The following DNAJC9 variants were observed in gnomAD, a reference collection of about 807,000 sequenced individuals.
The protein encoded by DNAJC9 is dnaJ homolog subfamily C member 9.
DNAJC9 carries 18 observed loss-of-function variants against 32.4 expected under a neutral mutation model. The ratio of observed to expected loss-of-function variants is 0.56; its 90% CI spans 0.38 to 0.82. DNAJC9 has a LOEUF of 0.82. Among genes scored for constraint, DNAJC9 ranks in the 40% least tolerant of loss-of-function variants. DNAJC9 has a pLI of 0.00. For synonymous variants in DNAJC9, 113 were observed against 122.1 expected, an observed-to-expected ratio of 0.93 and a Z score of 0.49; for missense variants, 310 against 321.8, an observed-to-expected ratio of 0.96 and a Z score of 0.28.
downstream of DNAJC9, chr10:73,235,381 A>G: frequency 6.5e-7 from 1 of 1,543,208 alleles, no homozygotes; most frequent in Non-Finnish European, 8.7e-7. Context: ...GGGGGGAATA[A>G]TAGTTTGGCA....
At chr10:73,235,508 A>C (rs2043801660), downstream of DNAJC9, 5 of 1,309,358 alleles carry the variant, frequency 3.8e-6, no homozygotes, top group Non-Finnish European at 5.0e-6. Context: ...CTATTCTTTA[A>C]TGCCTTATAC....
At chr10:73,243,681 T>C (rs1190674250) in intron 4 of DNAJC9, 162 bp from the exon 5 acceptor site, 2 of 1,155,404 alleles carry the variant, frequency 1.7e-6, no homozygotes, top group African/African-American at 1.6e-5. Context: ...TTGTAAAACT[T>C]TGTAAATACA....
chr10:73,241,174 A>G (rs1225059990), downstream of DNAJC9: 2 of 610,078 alleles, frequency 3.3e-6, no homozygotes, highest in Non-Finnish European at 5.9e-6. Flanking sequence ...ACAAAACACC[A>G]TAGCAGCCAA....
Position 73,246,036 on chromosome 10 carries a change from T to C in DNAJC9, c.462A>G (p.Thr154=), listed in dbSNP as rs889983165. The C allele has an allele frequency of 1.9e-6, 3 of 1,613,968 alleles. No individual in the cohort carries two copies. The African/African-American group carries it at 4.0e-5, about 22-fold the overall frequency. Residue 154 remains threonine, a synonymous_variant, in exon 3 of 5, where the codon ACA becomes ACG. Transcript: ENST00000372950. ...IMESVLCVQY[T]EEPRIRNIIQ... is the part of the protein sequence containing the mutation. ...TGATATTCCTTATCCTGGGTTCCTC[T>C]GTGTACTGCACGCAAAGCACAGACT...
chr10:73,235,393 A>G, downstream of DNAJC9: 1 of 1,536,000 alleles, frequency 6.5e-7, no homozygotes, highest in Non-Finnish European at 8.8e-7. Context: ...AGTTTGGCAG[A>G]CTTAAGATTT....
At chr10:73,232,888 C>T (rs2043738736) in intron 2 of DNAJC9, 1 of 1,118,090 alleles carries the variant, frequency 8.9e-7, no homozygotes, top group East Asian at 2.6e-5. Context: ...GTCTTGTCTT[C>T]CTTGACATAC....
downstream of DNAJC9, among the ~76,000 whole-genome samples, chr10:73,235,916 G>T: frequency 6.6e-6 from 1 of 152,118 alleles, no homozygotes; most frequent in South Asian, 2.1e-4. Context: ...TTAAGTAATA[G>T]AAAAAACCTG....
downstream of DNAJC9, among the ~76,000 whole-genome samples, chr10:73,240,225 G>A (rs1230053582): frequency 1.3e-5 from 2 of 152,222 alleles, no homozygotes; most frequent in Non-Finnish European, 2.9e-5. Context: ...GTAATGGACA[G>A]CTGAGATGTT....
chr10:73,234,877 G>A, downstream of DNAJC9: 1 of 1,551,862 alleles, frequency 6.4e-7, no homozygotes, highest in Non-Finnish European at 8.7e-7. Flanking sequence ...GAAATAATCT[G>A]CTACCACCTA....
At chr10:73,234,749 A>G (rs2043783417), downstream of DNAJC9, 1 of 1,499,872 alleles carries the variant, frequency 6.7e-7, no homozygotes, top group Non-Finnish European at 9.0e-7. Context: ...TCTGATTTCT[A>G]ATCAATTTGC....
downstream of DNAJC9, chr10:73,234,082 A>T (rs1162350855): frequency 1.3e-5 from 2 of 152,244 alleles, no homozygotes; most frequent in African/African-American, 4.8e-5. Flanking sequence ...GTTGATTCAC[A>T]AAATGTCTTA....
At chr10:73,236,144 A>G (rs759643448), downstream of DNAJC9, among the ~76,000 whole-genome samples, 3 of 152,178 alleles carry the variant, frequency 2.0e-5, no homozygotes, top group East Asian at 1.9e-4. Context: ...TTTTTCTTCT[A>G]TGAGAAGAGT....
chr10:73,240,240 G>A (rs758412840), downstream of DNAJC9, among the ~76,000 whole-genome samples: 1 of 152,156 alleles, frequency 6.6e-6, no homozygotes, highest in South Asian at 2.1e-4. Context: ...GATGTTTCCT[G>A]TTAATGATCA....
chr10:73,246,808 G>C lies in DNAJC9; in HGVS notation c.201C>G (p.Ser67=), dbSNP rs2044017135. The change falls in exon 2 of 5, where the codon TCC becomes TCG. Residue 67 remains serine, a synonymous_variant. Transcript: ENST00000372950. ...CTCTCTGTTCTCTGTCACTGAGAAC[G>C]GAATAGACTTTTCCCAGGATCTGAG... The part of the protein sequence containing the change: ...RRFQILGKVY[S]VLSDREQRAV... The C allele has an allele frequency of 6.2e-7, 1 of 1,614,134 alleles. No individual in the cohort carries two copies. The highest frequency in any genetic ancestry group is 2.2e-5 in the East Asian group (1 of 44,882).
At chr10:73,238,173 C>T (rs561863462), downstream of DNAJC9, among the ~76,000 whole-genome samples, 4 of 152,066 alleles carry the variant, frequency 2.6e-5, no homozygotes, top group East Asian at 1.9e-4. Flanking sequence ...TGGTGAAACC[C>T]GTTTCTATTA....
At chr10:73,237,106 C>T (rs1284480368), downstream of DNAJC9, among the ~76,000 whole-genome samples, 2 of 152,206 alleles carry the variant, frequency 1.3e-5, no homozygotes, top group Non-Finnish European at 2.9e-5. Flanking sequence ...AGGGCCCACC[C>T]TAATCTAGTG....
chr10:73,240,807 T>C (rs1388856561), downstream of DNAJC9: 1 of 600,746 alleles, frequency 1.7e-6, no homozygotes, highest in African/African-American at 1.9e-5. Context: ...TAGTGGGCTC[T>C]TCTACAAAAC....
chr10:73,247,043 C>T lies in DNAJC9; in HGVS notation c.147G>A (p.Glu49=), dbSNP rs2044022967. 6.4e-7 allele frequency: 1 copy of T among 1,552,636 alleles called. No homozygotes were observed. The highest frequency in any genetic ancestry group is 1.9e-5 in the Admixed American group (1 of 53,726). The change falls in exon 1 of 5, where the codon GAG becomes GAA. Residue 49 remains glutamate (E), a synonymous_variant. Coordinates refer to ENST00000372950, the MANE Select transcript of DNAJC9 (RefSeq NM_015190.5). ...GGCGGGTGGCGTCCTCCTTGTCGCC[C>T]TCACCCACCCGGTCCGGGTGTACCT... is the stretch of plus-strand genomic sequence containing the variant. The part of the protein sequence containing the change: ...SLQVHPDRVG[E]GDKEDATRRF...
chr10:73,247,114 C>A lies in DNAJC9; in HGVS notation c.76G>T (p.Ala26Ser). 6.3e-7 allele frequency: 1 copy of A among 1,595,548 alleles called. No individual in the cohort carries two copies. ...LYRVLGVRRE[A>S]SDGEVRRGYH... is the part of the protein sequence containing the mutation. ...CCTCGTCGGACCTCGCCGTCGGAGG[C>A]CTCGCGTCGCACGCCCAGCACCCGG... Residue 26 changes from alanine (A) to serine (S), a missense_variant, in exon 1 of 5, where the codon GCC becomes TCC. By Grantham distance (99) the Ala-to-Ser change is moderately conservative (BLOSUM62 1). Coordinates refer to ENST00000372950, the MANE Select transcript of DNAJC9 (RefSeq NM_015190.5).
Sources: gnomAD v4.1 joint callset for allele counts (sites outside exome capture counted in the v4.1 genomes callset) on GRCh38, gnomAD v4.1.1 for gene constraint, MANE v1.5 for transcripts, NCBI Gene and HGNC (gene_info 2026-07-23, HGNC 2026-07-21) for gene names.